Variants in DCDC2 observed in about 807,000 individuals in gnomAD.
The protein encoded by DCDC2 is doublecortin domain-containing protein 2.
DCDC2 carries 40 observed loss-of-function variants against 50.2 expected under a neutral mutation model. The observed-to-expected ratio is 0.80, with a 90% CI of 0.62 to 1.04. The LOEUF (loss-of-function observed/expected upper bound fraction) is 1.04, where lower values mean the gene tolerates loss of function less well. Ranked by LOEUF, DCDC2 falls within the 50% of genes least tolerant of loss-of-function variation. DCDC2 has a pLI of 0.00. For missense variants in DCDC2, 570 were observed against 581.9 expected (o/e 0.98, Z 0.21); for synonymous variants, 234 against 210.6 (o/e 1.11, Z -0.96).
intron 2 of DCDC2, among the ~76,000 whole-genome samples, chr6:24,322,200 G>C (rs993173880): frequency 4.6e-5 from 7 of 151,848 alleles, no homozygotes; most frequent in African/African-American, 1.5e-4. Flanking sequence ...ATAATTTCCT[G>C]GTATTTTTGC....
intron 2 of DCDC2, among the ~76,000 whole-genome samples, chr6:24,326,622 C>T (rs1411289303): frequency 6.7e-6 from 1 of 148,646 alleles, no homozygotes; most frequent in Admixed American, 6.7e-5. Context: ...TTTGGGAGGC[C>T]GAGGCATGTG....
the DCDC2 span, among the ~76,000 whole-genome samples, chr6:24,366,001 A>G: frequency 6.6e-6 from 1 of 151,952 alleles, no homozygotes; most frequent in Non-Finnish European, 1.5e-5. Flanking sequence ...TATTTTTAGT[A>G]GAGACGGGCT....
intron 7 of DCDC2, among the ~76,000 whole-genome samples, chr6:24,272,219 CTT>C (rs1763253710): frequency 6.6e-6 from 1 of 152,192 alleles, no homozygotes; most frequent in South Asian, 2.1e-4. Context: ...TTGAAACTAA[CTT>C]TTATTAATAG....
chr6:24,311,987 T>C (rs899754469), intron 2 of DCDC2, among the ~76,000 whole-genome samples: 1 of 152,136 alleles, frequency 6.6e-6, no homozygotes, highest in African/African-American at 2.4e-5. Context: ...GAAGTGAAAA[T>C]AGCCAGTTCC....
chr6:24,292,814 G>C (rs1763780467), intron 4 of DCDC2, among the ~76,000 whole-genome samples: 2 of 152,204 alleles, frequency 1.3e-5, no homozygotes, highest in Non-Finnish European at 2.9e-5. Flanking sequence ...ATGTTTATTA[G>C]CAGCACCTTT....
intron 8 of DCDC2, among the ~76,000 whole-genome samples, chr6:24,185,831 G>A (rs1004171552): frequency 1.3e-4 from 20 of 152,010 alleles, no homozygotes; most frequent in African/African-American, 4.8e-4. Context: ...AATACAAGAG[G>A]CAAAGGAGGA....
chr6:24,355,449 G>A (rs573866888), intron 1 of DCDC2, among the ~76,000 whole-genome samples: 1 of 152,280 alleles, frequency 6.6e-6, no homozygotes, highest in African/African-American at 2.4e-5. Flanking sequence ...AAAGGAACTG[G>A]TCATAGAGGT....
intron 7 of DCDC2, among the ~76,000 whole-genome samples, chr6:24,266,168 T>C (rs1763118231): frequency 1.3e-5 from 2 of 152,062 alleles, no homozygotes; most frequent in Non-Finnish European, 2.9e-5. Context: ...TGGACCCCGA[T>C]ATCTCACCAT....
chr6:24,195,324 T>C (rs963858591), intron 8 of DCDC2, among the ~76,000 whole-genome samples: 7 of 152,222 alleles, frequency 4.6e-5, no homozygotes, highest in African/African-American at 1.7e-4. Flanking sequence ...GTTTGCATTT[T>C]AGGAGAAGAA....
At chr6:24,301,197 C>T (rs1409721117) in intron 4 of DCDC2, among the ~76,000 whole-genome samples, 1 of 151,756 alleles carries the variant, frequency 6.6e-6, no homozygotes, top group Admixed American at 6.6e-5. Flanking sequence ...TGGAGAAACC[C>T]CGTCTCTACT....
At chr6:24,312,262 T>C (rs531926085) in intron 2 of DCDC2, among the ~76,000 whole-genome samples, 22 of 152,256 alleles carry the variant, frequency 1.4e-4, no homozygotes, top group African/African-American at 4.8e-4. Context: ...CCCAGGTGAT[T>C]AAAAAGCTTT....
chr6:24,205,282 A>C (rs1303863008), intron 7 of DCDC2, 180 bp from the exon 8 acceptor site: 15 of 1,551,646 alleles, frequency 9.7e-6, no homozygotes, highest in Admixed American at 2.0e-5. Flanking sequence ...CCACATTTTC[A>C]TTGAGAAAAC....
At chr6:24,334,631 C>T (rs773395012) in intron 2 of DCDC2, among the ~76,000 whole-genome samples, 1 of 152,272 alleles carries the variant, frequency 6.6e-6, no homozygotes, top group South Asian at 2.1e-4. Flanking sequence ...GATTCAAAGG[C>T]TAAAGGAAAC....
At position 24,249,798 on chromosome 6, in the gene DCDC2, G is replaced by T. The variant is rs143148385; in HGVS notation, c.922+28251C>A. Among the ~76,000 whole-genome samples the T allele has an allele frequency of 2.5e-3, 373 of 152,232 alleles. 2 individuals carry two copies. Among genetic ancestry groups the T allele is most frequent in the African/African-American group, 8.6e-3 (358 of 41,510 alleles). On this transcript the variant is annotated intron_variant, in intron 7 of 9. Transcript: ENST00000378454. ...TACAAAGCCTTGTCGAGTGAGTGTG[G>T]TCCCTCCCTGACTCCATTCCTCTTT... is the stretch of plus-strand genomic sequence containing the variant.
At chr6:24,207,883 C>T (rs1389518053) in intron 7 of DCDC2, among the ~76,000 whole-genome samples, 1 of 152,194 alleles carries the variant, frequency 6.6e-6, no homozygotes, top group Non-Finnish European at 1.5e-5. Flanking sequence ...ATCTCATGGG[C>T]ATCCTGATTT....
At chr6:24,322,829 G>A (rs902528778) in intron 2 of DCDC2, among the ~76,000 whole-genome samples, 1 of 152,162 alleles carries the variant, frequency 6.6e-6, no homozygotes, top group East Asian at 1.9e-4. Context: ...GCCTTCCTAA[G>A]ATATATAAAA....
rs1763401786 is a variant in DCDC2, at chr6:24,278,196, A to T, written c.775T>A (p.Ser259Thr). 1.2e-6 allele frequency: 2 copies of T among 1,608,106 alleles called. No individual in the cohort carries two copies. The highest frequency in any genetic ancestry group is 1.3e-5 in the African/African-American group (1 of 74,324). Residue 259 changes from serine (S) to threonine (T), a missense_variant, in exon 7 of 10, where the codon TCT becomes ACT. Coordinates refer to ENST00000378454, the MANE Select transcript of DCDC2 (RefSeq NM_016356.5). ...KSKGSGNDRH[S>T]KSTVGSSDNS... Reference sequence around the variant, plus strand: ...TCACTGGATCCAACTGTTGACTTAGAGTGGCGATCATTTCCCTAAATGGCA... The same window carrying T: ...TCACTGGATCCAACTGTTGACTTAGTGTGGCGATCATTTCCCTAAATGGCA...
At chr6:24,179,964 A>AAAAT (rs758003057) in intron 8 of DCDC2, among the ~76,000 whole-genome samples, 3,281 of 147,400 alleles carry the variant, frequency 0.022, 83 homozygotes, top group African/African-American at 0.045. Flanking sequence ...AAAAAAAAAA[A>AAAAT]AAAAAAACAA....
At chr6:24,281,350 T>C (rs188008033) in intron 6 of DCDC2, among the ~76,000 whole-genome samples, 2 of 151,800 alleles carry the variant, frequency 1.3e-5, no homozygotes, top group African/African-American at 4.8e-5. Context: ...AATGCTTTTT[T>C]TTTTTTTAAA....
Sources: gnomAD v4.1 joint callset for allele counts (sites outside exome capture counted in the v4.1 genomes callset) on GRCh38, gnomAD v4.1.1 for gene constraint, MANE v1.5 for transcripts, NCBI Gene and HGNC (gene_info 2026-07-23, HGNC 2026-07-21) for gene names.